RPL22: variants seen among roughly 807,000 people sequenced by gnomAD.
The protein encoded by RPL22 is large ribosomal subunit protein eL22.
RPL22 carries 4 observed loss-of-function variants against 16.2 expected under a neutral mutation model. The observed-to-expected ratio is 0.25, with a 90% CI of 0.12 to 0.57. The LOEUF (loss-of-function observed/expected upper bound fraction) is 0.57. RPL22 is among the 20% of genes least tolerant of loss of function. The pLI, the probability that RPL22 is intolerant of heterozygous loss-of-function variation, is 0.92. For synonymous variants in RPL22, 43 were observed against 54.8 expected, an observed-to-expected ratio of 0.78 and a Z score of 0.95; for missense variants, 83 against 156.1, an observed-to-expected ratio of 0.53 and a Z score of 2.49.
At chr1:6,189,210 C>A (rs1171589286) in intron 3 of RPL22, among the ~76,000 whole-genome samples, 3 of 152,222 alleles carry the variant, frequency 2.0e-5, no homozygotes, top group African/African-American at 7.2e-5. Context: ...AAAGCAATCT[C>A]CACACCAACA....
At chr1:6,190,986 G>A (rs1198546532) in intron 3 of RPL22, among the ~76,000 whole-genome samples, 1 of 152,166 alleles carries the variant, frequency 6.6e-6, no homozygotes, top group East Asian at 1.9e-4. Context: ...ACTTTTGGGA[G>A]GCCAAGGCAG....
At chr1:6,192,843 C>T (rs552525170) in intron 3 of RPL22, 87 bp downstream of exon 3, 32 of 1,528,738 alleles carry the variant, frequency 2.1e-5, no homozygotes, top group Non-Finnish European at 2.8e-5. Context: ...AAACCAATCA[C>T]TCTGCGGGTG....
intron 2 of RPL22, among the ~76,000 whole-genome samples, chr1:6,197,236 TG>T (rs1667732077): frequency 6.6e-6 from 1 of 152,226 alleles, no homozygotes; most frequent in African/African-American, 2.4e-5. Context: ...TTCACTATGT[TG>T]GCCAGACTGG....
chr1:6,199,476 T>C, intron 1 of RPL22, 86 bp downstream of exon 1: 1 of 1,523,178 alleles, frequency 6.6e-7, no homozygotes, highest in Non-Finnish European at 8.8e-7. Context: ...CAGGGCGCCG[T>C]CCCCAGCGAG....
At chr1:6,196,791 A>G (rs1667723516) in intron 2 of RPL22, among the ~76,000 whole-genome samples, 1 of 152,160 alleles carries the variant, frequency 6.6e-6, no homozygotes. Context: ...AAGAAAAAAA[A>G]AAAAGCTCCA....
At chr1:6,196,624 T>C (rs1401221604) in intron 2 of RPL22, among the ~76,000 whole-genome samples, 2 of 152,064 alleles carry the variant, frequency 1.3e-5, no homozygotes, top group African/African-American at 4.8e-5. Flanking sequence ...CCCCCAAACA[T>C]GGCTATTAGA....
intron 3 of RPL22, among the ~76,000 whole-genome samples, chr1:6,190,327 T>C (rs1482057044): frequency 2.0e-5 from 3 of 152,230 alleles, no homozygotes; most frequent in Non-Finnish European, 2.9e-5. Context: ...TACAACCAAT[T>C]TGTACTAACA....
rs1013743770 is a variant in RPL22, at chr1:6,191,782, GAAGTT to G, written c.242+1143_242+1147del. On this transcript the variant is annotated intron_variant, in intron 3 of 3. Transcript: ENST00000234875. ...GGAGGCTGAGGCAGACGAATCACCT[GAAGTT>G]AAGAGTTCGAGACCAGCCTGGCCAA... Among the ~76,000 whole-genome samples, 64 of 152,102 alleles carry G rather than the reference GAAGTT, an allele frequency of 4.2e-4. 4 individuals carry two copies.
rs1232743113 is a variant in RPL22 at position 6,192,867 on chromosome 1, G to A, written c.242+63C>T. On this transcript the variant is annotated intron_variant, in intron 3 of 3. Transcript: ENST00000234875. ...ACTCTGCGGGTGCCCCCACTCCCAT[G>A]CAGGGAAAAGGCGGGCTGGGCACTG... 7 of 1,597,892 alleles carry A rather than the reference G, an allele frequency of 4.4e-6. No individual in the cohort carries two copies. In the African/African-American group the frequency reaches 9.4e-5, roughly 22 times the overall value.
intron 2 of RPL22, among the ~76,000 whole-genome samples, chr1:6,195,893 T>C (rs1283647555): frequency 6.6e-6 from 1 of 151,592 alleles, no homozygotes; most frequent in Non-Finnish European, 1.5e-5. Context: ...AGGAACCCCA[T>C]CTCTACTAAT....
In RPL22 at chr1:6,185,367, G is replaced by C; in HGVS notation, c.*1305C>G. The C allele has an allele frequency of 2.5e-6, 1 of 399,092 alleles. No individual in the cohort carries two copies. The highest frequency in any genetic ancestry group is 1.3e-4 in the South Asian group (1 of 7,862). The allele number at this position is 399,092 out of a possible 1,614,324, so 24.7% of individuals were successfully genotyped here. A position where few individuals can be genotyped will look rare whatever the true frequency, so the allele number is the denominator to read the frequency against. ...AAACTCTGCTTTCTGTGACGGCAGA[G>C]AAGAAATATGCAAGCAATTCTGCTT... On this transcript the variant is annotated 3_prime_UTR_variant, in exon 4 of 4. Coordinates refer to ENST00000234875, the MANE Select transcript of RPL22 (RefSeq NM_000983.4).
chr1:6,199,011 C>A (rs1667757436), intron 1 of RPL22: 1 of 152,678 alleles, frequency 6.5e-6, no homozygotes, highest in South Asian at 2.1e-4. Flanking sequence ...GCAATGAGAG[C>A]CTTCTCCCTA....
At position 6,185,498 on chromosome 1, in the gene RPL22, T is replaced by C. The variant is rs1449477173; in HGVS notation, c.*1174A>G. 1 of 397,260 alleles carries C rather than the reference T, an allele frequency of 2.5e-6. No individual in the cohort carries two copies. The highest frequency in any genetic ancestry group is 4.4e-6 in the Non-Finnish European group (1 of 225,430). 24.6% of individuals were successfully genotyped at this position (397,260 alleles called of 1,614,324 possible). On this transcript the variant is annotated 3_prime_UTR_variant, in exon 4 of 4. Transcript: ENST00000234875. The stretch of plus-strand genomic sequence containing the variant: ...AATCCACAGAGCACCAAATGTTTAA[T>C]GGGAGCCAAGGTAGGACTGAGCATT...
intron 2 of RPL22, among the ~76,000 whole-genome samples, chr1:6,193,871 C>A (rs907830472): frequency 6.6e-6 from 1 of 152,230 alleles, no homozygotes; most frequent in Non-Finnish European, 1.5e-5. Context: ...ACAAGGCCGA[C>A]TGGGCCTCGC....
At chr1:6,199,456 C>G in intron 1 of RPL22, 106 bp downstream of exon 1, 1 of 1,485,544 alleles carries the variant, frequency 6.7e-7, no homozygotes, top group Non-Finnish European at 9.0e-7. Flanking sequence ...CCCACCCCAG[C>G]AGGACGCTGC....
chr1:6,199,194 TC>T, intron 1 of RPL22: 1 of 260,358 alleles, frequency 3.8e-6, no homozygotes. Context: ...AATGCGCGGC[TC>T]CCCAGGGTAG....
At chr1:6,195,786 G>A (rs567389356) in intron 2 of RPL22, among the ~76,000 whole-genome samples, 2 of 151,616 alleles carry the variant, frequency 1.3e-5, no homozygotes, top group African/African-American at 2.4e-5. Context: ...AAAATGGCCA[G>A]GCGCAGTGGC....
At chr1:6,199,528 C>T in intron 1 of RPL22, 34 bp downstream of exon 1, 2 of 1,554,552 alleles carry the variant, frequency 1.3e-6, no homozygotes, top group Non-Finnish European at 1.7e-6. Context: ...CGTGCCTCCC[C>T]TGGAGCCGAG....
rs1667764837 is a variant in RPL22, at chr1:6,199,357, C to T, written c.12+205G>A. 2.3e-6 allele frequency: 3 copies of T among 1,310,252 alleles called. No individual in the cohort carries two copies. The African/African-American group carries it at 4.6e-5, about 20-fold the overall frequency. 81.2% of individuals were successfully genotyped at this position (1,310,252 alleles called of 1,614,324 possible). ...CCCGGGCCTCCGAGACCTCCCGGATCTCCCTCACGAGCCTCGGGCCGCGGC... is the reference window on the plus strand; with the variant it reads ...CCCGGGCCTCCGAGACCTCCCGGATTTCCCTCACGAGCCTCGGGCCGCGGC... On this transcript the variant is annotated intron_variant, in intron 1 of 3. Coordinates refer to ENST00000234875, the MANE Select transcript of RPL22 (RefSeq NM_000983.4).
Sources: allele counts gnomAD v4.1 joint callset (sites outside exome capture counted in the v4.1 genomes callset), GRCh38; gene constraint gnomAD v4.1.1; transcripts MANE v1.5; gene names NCBI Gene and HGNC (gene_info 2026-07-23, HGNC 2026-07-21).